SPINDOC: variants seen among roughly 807,000 people sequenced by gnomAD.
The protein encoded by SPINDOC is spindlin interactor and repressor of chromatin binding, also known as spindlin interactor and repressor of chromatin-binding protein.
In SPINDOC, 13 loss-of-function variants were observed where a neutral mutation model predicts 30.7. The observed-to-expected ratio is 0.42, with a 90% CI of 0.28 to 0.67. SPINDOC has a LOEUF of 0.67. Ranked by LOEUF, SPINDOC falls within the 30% of genes least tolerant of loss-of-function variation. The probability of loss-of-function intolerance (pLI) is 0.22; values close to 1 mark genes in which losing one functional copy is unlikely to be tolerated. For missense variants in SPINDOC, 438 were observed against 518.0 expected (o/e 0.85, Z 1.50); for synonymous variants, 228 against 211.4 (o/e 1.08, Z -0.68).
rs576321783 is a variant in SPINDOC at position 63,823,431 on chromosome 11, C to G, written c.935-3497C>G. On this transcript the variant is annotated intron_variant, in intron 5 of 5. Coordinates refer to ENST00000294244, the MANE Select transcript of SPINDOC (RefSeq NM_138471.3). ...AAAAGGCCACCTGTGGTCAGGTTAG[C>G]TGAGCTGATGAATGTGAATGTGAGG... is the stretch of plus-strand genomic sequence containing the variant. The G allele has an allele frequency of 3.2e-4, 268 of 830,540 alleles. 1 individual carries two copies. The highest frequency in any genetic ancestry group is 3.9e-4 in the Non-Finnish European group (240 of 621,092). The allele number at this position is 830,540 out of a possible 1,614,324, so 51.4% of individuals were successfully genotyped here.
rs975278932 is a variant in SPINDOC at position 63,826,951 on chromosome 11, A to T, written c.958A>T (p.Thr320Ser). ...SPAPPPGLRGTLDLQVIRVRM... is the reference protein window; with the variant it reads ...SPAPPPGLRGSLDLQVIRVRM... ...AGCTCCCCCTCCGGGGCTCCGCGGGACACTGGATCTCCAGGTTATCCGCGT... is the reference window on the plus strand; with the variant it reads ...AGCTCCCCCTCCGGGGCTCCGCGGGTCACTGGATCTCCAGGTTATCCGCGT... Residue 320 changes from threonine (T) to serine (S), a missense_variant, in exon 6 of 6, where the codon ACA becomes TCA. By Grantham distance (58) the Thr-to-Ser change is moderately conservative. This residue lies in a region of SPINDOC where 300 missense variants were observed against 332.8 expected (regional missense o/e 0.90). Transcript: ENST00000294244. 6.3e-7 allele frequency: 1 copy of T among 1,587,002 alleles called. No individual in the cohort carries two copies. The highest frequency in any genetic ancestry group is 8.6e-7 in the Non-Finnish European group (1 of 1,156,072).
At position 63,817,887 on chromosome 11, in the gene SPINDOC, G is replaced by C. The variant is rs146903011; in HGVS notation, c.210G>C (p.Gln70His). ...ATGGCTGTGAGGAGCCGAAGCAGCAGGTGTCTTGGGAGCAGGAGTTCCTGG... is the reference window on the plus strand; with the variant it reads ...ATGGCTGTGAGGAGCCGAAGCAGCACGTGTCTTGGGAGCAGGAGTTCCTGG... Reference protein sequence around the residue: ...GSDGCEEPKQQVSWEQEFLVG... With the variant: ...GSDGCEEPKQHVSWEQEFLVG... The change falls in exon 2 of 6, where the codon CAG (glutamine) becomes CAC (histidine). Residue 70 changes from glutamine (Q) to histidine (H), a missense_variant. Around this residue, in one of 3 missense-constraint regions of SPINDOC, gnomAD observed 129 missense variants for 152.7 expected, o/e 0.84. Transcript: ENST00000294244. The C allele has an allele frequency of 2.0e-4, 317 of 1,613,474 alleles. 2 individuals are homozygous for C. In the East Asian group the frequency reaches 4.6e-3, roughly 23 times the overall value.
intron 5 of SPINDOC, among the ~76,000 whole-genome samples, chr11:63,824,027 C>T (rs1205811710): frequency 1.3e-5 from 2 of 152,162 alleles, no homozygotes; most frequent in African/African-American, 2.4e-5. Flanking sequence ...CCTTCCTCAG[C>T]CTCCTGAGTA....
chr11:63,813,978 C>T (rs555698350), intron 1 of SPINDOC, among the ~76,000 whole-genome samples, 165 bp downstream of exon 1: 5 of 152,334 alleles, frequency 3.3e-5, no homozygotes, highest in Admixed American at 3.3e-4. Context: ...TTGCACCTCC[C>T]CCACCATGGT....
chr11:63,815,177 G>C (rs1382088437), intron 1 of SPINDOC, among the ~76,000 whole-genome samples: 2 of 152,212 alleles, frequency 1.3e-5, no homozygotes, highest in Admixed American at 6.5e-5. Context: ...AATATATCGA[G>C]TGGTTCAGAA....
chr11:63,816,760 A>G (rs569915991), intron 1 of SPINDOC, among the ~76,000 whole-genome samples: 1 of 152,278 alleles, frequency 6.6e-6, no homozygotes, highest in South Asian at 2.1e-4. Context: ...GCCCTGTGAA[A>G]GCTTATGGTC....
intron 5 of SPINDOC, among the ~76,000 whole-genome samples, chr11:63,822,284 C>G (rs1471956310): frequency 7.0e-6 from 1 of 143,076 alleles, no homozygotes; most frequent in African/African-American, 2.6e-5. Context: ...TTTGAGGTTG[C>G]AGTAAATTCT....
chr11:63,820,822 G>A (rs1257596881), intron 5 of SPINDOC, among the ~76,000 whole-genome samples: 3 of 144,420 alleles, frequency 2.1e-5, no homozygotes, highest in Non-Finnish European at 4.5e-5. Context: ...CCCGGGAGGC[G>A]GAGCTTGCAG....
Position 63,813,509 on chromosome 11 carries a change from C to G in SPINDOC, c.-178C>G, listed in dbSNP as rs2135127519. 3.0e-6 allele frequency: 1 copy of G among 332,790 alleles called. No individual in the cohort carries two copies. Among genetic ancestry groups the G allele is most frequent in the Non-Finnish European group, 4.2e-6 (1 of 235,976 alleles). 20.6% of individuals were successfully genotyped at this position (332,790 alleles called of 1,614,324 possible). A position where few individuals can be genotyped will look rare whatever the true frequency, so the allele number is the denominator to read the frequency against. ...GACGCGCCGAGGTCTCGGGGAGGCCCGGACGCGCCGGTCGCAGGCCCGGCC... is the reference window on the plus strand; with the variant it reads ...GACGCGCCGAGGTCTCGGGGAGGCCGGGACGCGCCGGTCGCAGGCCCGGCC... On this transcript the variant is annotated 5_prime_UTR_variant, in exon 1 of 6. Transcript: ENST00000294244.
intron 5 of SPINDOC, among the ~76,000 whole-genome samples, chr11:63,824,422 A>G (rs1314322586): frequency 1.3e-5 from 2 of 152,126 alleles, no homozygotes; most frequent in African/African-American, 2.4e-5. Flanking sequence ...TCTAGAATGT[A>G]AGGGCCTGCA....
At chr11:63,817,078 G>A (rs1483788346) in intron 1 of SPINDOC, among the ~76,000 whole-genome samples, 1 of 152,156 alleles carries the variant, frequency 6.6e-6, no homozygotes, top group Non-Finnish European at 1.5e-5. Context: ...CTACTCAGGT[G>A]GCTAAGGCTG....
intron 5 of SPINDOC, chr11:63,822,708 C>T: frequency 7.8e-7 from 1 of 1,288,776 alleles, no homozygotes; most frequent in Non-Finnish European, 1.0e-6. Context: ...TCCCGAGTCT[C>T]CTGGTCCTCT....
At chr11:63,813,932 A>T in intron 1 of SPINDOC, 119 bp downstream of exon 1, 1 of 1,290,416 alleles carries the variant, frequency 7.7e-7, no homozygotes, top group African/African-American at 1.5e-5. Context: ...CTTGGGGCCC[A>T]GGTTTCCCTC....
At chr11:63,817,453 G>A (rs1001839593) in intron 1 of SPINDOC, among the ~76,000 whole-genome samples, 2 of 152,190 alleles carry the variant, frequency 1.3e-5, no homozygotes, top group African/African-American at 4.8e-5. Flanking sequence ...TTGGGGTTCT[G>A]GAAAGCTTCG....
Position 63,827,291 on chromosome 11 carries a change from GGCACTGGAAAGT to G in SPINDOC, c.*154_*165del. The stretch of plus-strand genomic sequence containing the variant: ...GGGGCAGCATCCACTGTTATTTCGG[GGCACTGGAAAGT>G]GTCTGTTCCTGGCCAGGCCTGAGGT... On this transcript the variant is annotated 3_prime_UTR_variant, in exon 6 of 6. Transcript: ENST00000294244. 7.2e-7 allele frequency: 1 copy of G among 1,382,548 alleles called. No homozygotes were observed. The highest frequency in any genetic ancestry group is 9.7e-7 in the Non-Finnish European group (1 of 1,031,432). The allele number at this position is 1,382,548 out of a possible 1,614,324, so 85.6% of individuals were successfully genotyped here.
At chr11:63,822,356 TAAAAAAAAA>T (rs753315518) in intron 5 of SPINDOC, among the ~76,000 whole-genome samples, 1 of 58,824 alleles carries the variant, frequency 1.7e-5, no homozygotes, top group African/African-American at 5.4e-5. Context: ...CTAGACTGTC[TAAAAAAAAA>T]AAAAAAAAAA....
intron 5 of SPINDOC, among the ~76,000 whole-genome samples, chr11:63,822,338 C>T (rs1407103031): frequency 1.7e-5 from 2 of 120,446 alleles, no homozygotes; most frequent in Admixed American, 1.1e-4. Flanking sequence ...CCAGCCTGGG[C>T]AACTGAGCTA....
Position 63,821,495 on chromosome 11 carries a change from A to G in SPINDOC, c.934+2493A>G, listed in dbSNP as rs546079794. On this transcript the variant is annotated intron_variant, in intron 5 of 5. Transcript: ENST00000294244. The stretch of plus-strand genomic sequence containing the variant: ...GGCATCATTCTGCCAACCACACATG[A>G]CCCAGCAGACAGAATTAGGATGAGA... 3.9e-5 allele frequency among the ~76,000 whole-genome samples: 6 copies of G among 152,276 alleles called. No homozygotes were observed. In the East Asian group the frequency reaches 1.2e-3, roughly 29 times the overall value.
Position 63,820,889 on chromosome 11 carries a change from CA to C in SPINDOC, c.934+1905del, listed in dbSNP as rs60839586. On this transcript the variant is annotated intron_variant, in intron 5 of 5. Coordinates refer to ENST00000294244, the MANE Select transcript of SPINDOC (RefSeq NM_138471.3). ...TGGGCGACAGAGCGAAACTCCGTCT[CA>C]AAAAAAAAAAAAAAAAACAACACAC... Among the ~76,000 whole-genome samples, 842 of 74,408 alleles carry C rather than the reference CA, an allele frequency of 0.011. 19 individuals are homozygous for C. In the East Asian group the frequency reaches 0.12, roughly 10 times the overall value. The allele number at this position is 74,408 out of a possible 152,430, so 48.8% of individuals were successfully genotyped here.
Sources: gnomAD v4.1 joint callset for allele counts (sites outside exome capture counted in the v4.1 genomes callset) on GRCh38, gnomAD v4.1.1 for gene constraint, gnomAD v4.1.1 regional missense constraint, MANE v1.5 for transcripts, NCBI Gene and HGNC (gene_info 2026-07-23, HGNC 2026-07-21) for gene names.